VRK2: variants seen among roughly 807,000 people sequenced by gnomAD.
VRK2 encodes serine/threonine-protein kinase VRK2.
Under a neutral mutation model 57.6 loss-of-function variants are expected in VRK2, and 60 were observed. The observed-to-expected ratio is 1.04, with a 90% CI of 0.85 to 1.29. The LOEUF (loss-of-function observed/expected upper bound fraction) is 1.29, where lower values mean the gene tolerates loss of function less well. Ranked by LOEUF, VRK2 falls within the 50% of genes most tolerant of loss-of-function variation. The probability of loss-of-function intolerance (pLI) is 0.00; values close to 1 mark genes in which losing one functional copy is unlikely to be tolerated. For missense variants in VRK2, 705 were observed against 588.1 expected, an observed-to-expected ratio of 1.20 and a Z score of -2.06; for synonymous variants, 231 against 199.2, an observed-to-expected ratio of 1.16 and a Z score of -1.35.
chr2:58,113,513 G>C (rs1359358718), intron 7 of VRK2, among the ~76,000 whole-genome samples: 2 of 152,088 alleles, frequency 1.3e-5, no homozygotes, highest in Non-Finnish European at 2.9e-5. Flanking sequence ...GGGTGCAGGT[G>C]GGCTGAGTCC....
At chr2:57,972,567 G>T (rs1380406300) in intron 1 of VRK2, among the ~76,000 whole-genome samples, 1 of 151,740 alleles carries the variant, frequency 6.6e-6, no homozygotes, top group East Asian at 1.9e-4. Flanking sequence ...ATTAGTTTCT[G>T]GGAGATTACG....
chr2:58,000,307 T>A (rs1673052352), intron 1 of VRK2, among the ~76,000 whole-genome samples: 1 of 152,176 alleles, frequency 6.6e-6, no homozygotes, highest in South Asian at 2.1e-4. Context: ...GTAACTGGGT[T>A]TTTTAAAAAG....
intron 2 of VRK2, among the ~76,000 whole-genome samples, chr2:58,029,906 A>G (rs534432785): frequency 1.2e-3 from 179 of 152,250 alleles, no homozygotes; most frequent in Non-Finnish European, 2.0e-3. Flanking sequence ...TTGGCATGCC[A>G]TATTTTCCTG....
chr2:57,990,956 G>C (rs1209735689), intron 1 of VRK2, among the ~76,000 whole-genome samples: 2 of 151,702 alleles, frequency 1.3e-5, no homozygotes, highest in South Asian at 2.1e-4. Context: ...TTGGGAATAG[G>C]AATTTTATGA....
At chr2:58,040,541 G>A (rs549924880) in intron 3 of VRK2, among the ~76,000 whole-genome samples, 1 of 152,262 alleles carries the variant, frequency 6.6e-6, no homozygotes, top group East Asian at 1.9e-4. Flanking sequence ...AAAGCAGTAA[G>A]AGAAATTGTG....
chr2:58,049,455 G>A (rs1304027899), intron 2 of VRK2, among the ~76,000 whole-genome samples: 1 of 152,074 alleles, frequency 6.6e-6, no homozygotes, highest in Non-Finnish European at 1.5e-5. Flanking sequence ...CATCTAGAGT[G>A]GTCCCTAGGG....
At chr2:57,942,303 A>G (rs1299629382) in intron 1 of VRK2, among the ~76,000 whole-genome samples, 1 of 152,230 alleles carries the variant, frequency 6.6e-6, no homozygotes, top group Non-Finnish European at 1.5e-5. Context: ...TTCCAAAGCA[A>G]CTAATTTGTG....
chr2:58,096,465 G>T (rs1673145150), intron 7 of VRK2, among the ~76,000 whole-genome samples: 1 of 151,796 alleles, frequency 6.6e-6, no homozygotes, highest in South Asian at 2.1e-4. Context: ...TTGAGTGTCT[G>T]TTTTAGTTGT....
chr2:58,054,262 A>G (rs571977055), intron 2 of VRK2, among the ~76,000 whole-genome samples: 36 of 152,108 alleles, frequency 2.4e-4, no homozygotes, highest in Middle Eastern at 3.4e-3. Context: ...TTTATTTTCA[A>G]CATTTTACTG....
intron 1 of VRK2, among the ~76,000 whole-genome samples, chr2:57,909,387 C>T (rs1669918104): frequency 6.6e-6 from 1 of 152,080 alleles, no homozygotes; most frequent in African/African-American, 2.4e-5. Flanking sequence ...TTAAGTACTG[C>T]ACTCTTTCAC....
At chr2:58,119,077 T>C (rs551030663) in intron 7 of VRK2, among the ~76,000 whole-genome samples, 62 of 152,288 alleles carry the variant, frequency 4.1e-4, no homozygotes, top group Non-Finnish European at 6.2e-4. Context: ...TCTGGGCATA[T>C]ATGTGCAAGT....
intron 1 of VRK2, among the ~76,000 whole-genome samples, chr2:57,931,388 T>C (rs1670718752): frequency 1.3e-5 from 2 of 152,200 alleles, no homozygotes; most frequent in Non-Finnish European, 2.9e-5. Flanking sequence ...TGAGCCCCTT[T>C]TAATACACCT....
At chr2:57,974,165 G>A (rs1007717653) in intron 1 of VRK2, among the ~76,000 whole-genome samples, 2 of 151,840 alleles carry the variant, frequency 1.3e-5, no homozygotes, top group African/African-American at 2.4e-5. Context: ...GCCATATAAG[G>A]TTTTTATATT....
At position 58,089,585 on chromosome 2, in the gene VRK2, A is replaced by T. The variant is rs371039861; in HGVS notation, c.451-46A>T. The T allele has an allele frequency of 6.9e-5, 82 of 1,184,458 alleles. No homozygotes were observed. The African/African-American group carries it at 1.2e-3, about 17-fold the overall frequency. 73.4% of individuals were successfully genotyped at this position (1,184,458 alleles called of 1,614,324 possible). A position where few individuals can be genotyped will look rare whatever the true frequency, so the allele number is the denominator to read the frequency against. On this transcript the variant is annotated intron_variant, in intron 6 of 12. Coordinates refer to ENST00000340157, the MANE Select transcript of VRK2 (RefSeq NM_006296.7). Reference sequence around the variant, plus strand: ...ATTCAAAATGTTGAAATTGATCATGAGTTCTAAATAGCAGTAAACCTTATT... The same window carrying T: ...ATTCAAAATGTTGAAATTGATCATGTGTTCTAAATAGCAGTAAACCTTATT...
At chr2:58,003,628 T>C (rs1186321188) in intron 1 of VRK2, among the ~76,000 whole-genome samples, 1 of 152,132 alleles carries the variant, frequency 6.6e-6, no homozygotes, top group Admixed American at 6.5e-5. Flanking sequence ...TTATCTGAAA[T>C]TTAACTGGAT....
chr2:58,132,163 C>T (rs1464396661), intron 9 of VRK2, among the ~76,000 whole-genome samples: 1 of 152,040 alleles, frequency 6.6e-6, no homozygotes, highest in Non-Finnish European at 1.5e-5. Flanking sequence ...AGTGAAATAT[C>T]TGTTCTTTTA....
chr2:57,968,963 ATAAAGATGTCAATATAATTGTGCT>A (rs1397167044), intron 1 of VRK2, among the ~76,000 whole-genome samples: 5 of 152,162 alleles, frequency 3.3e-5, no homozygotes, highest in Non-Finnish European at 7.4e-5. Flanking sequence ...CTCTCTTAAA[ATAAAGATGTCAATATAATTGTGCT>A]TACCTCAGGC....
intron 7 of VRK2, among the ~76,000 whole-genome samples, chr2:58,101,402 C>T (rs1374309973): frequency 6.6e-6 from 1 of 151,552 alleles, no homozygotes; most frequent in African/African-American, 2.4e-5. Context: ...ATGTATGCAT[C>T]TCCAAAAACT....
chr2:57,936,227 G>A (rs1171682523), intron 1 of VRK2, among the ~76,000 whole-genome samples: 2 of 152,150 alleles, frequency 1.3e-5, no homozygotes. Flanking sequence ...CAGCTTACTT[G>A]CAATTTATAT....
Sources: gnomAD v4.1 joint callset for allele counts (sites outside exome capture counted in the v4.1 genomes callset) on GRCh38, gnomAD v4.1.1 for gene constraint, MANE v1.5 for transcripts, NCBI Gene and HGNC (gene_info 2026-07-23, HGNC 2026-07-21) for gene names.